TFAP2A: variants seen among roughly 807,000 people sequenced by gnomAD.
TFAP2A encodes the protein transcription factor AP-2-alpha.
Under a neutral mutation model 41.5 loss-of-function variants are expected in TFAP2A, and 7 were observed. The ratio of observed to expected loss-of-function variants is 0.17; its 90% CI spans 0.10 to 0.32. The LOEUF (loss-of-function observed/expected upper bound fraction) is 0.32. TFAP2A is among the 10% of genes least tolerant of loss of function. The probability of loss-of-function intolerance (pLI) is 1.00; values close to 1 mark genes in which losing one functional copy is unlikely to be tolerated. For missense variants in TFAP2A, 416 were observed against 563.3 expected, an observed-to-expected ratio of 0.74 and a Z score of 2.65; for synonymous variants, 247 against 242.8, an observed-to-expected ratio of 1.02 and a Z score of -0.16.
chr6:10,418,366 G>C (rs1758315567), upstream of TFAP2A: 2 of 152,250 alleles, frequency 1.3e-5, no homozygotes, highest in South Asian at 4.1e-4. Flanking sequence ...ACCAGGAGTA[G>C]CAAGGCCTCA....
chr6:10,412,239 G>A, intron 1 of TFAP2A: 1 of 988,054 alleles, frequency 1.0e-6, no homozygotes, highest in South Asian at 4.7e-5. Context: ...GGGGGGCCGC[G>A]GCGCGGCGTC....
chr6:10,411,927 C>T lies in TFAP2A; in HGVS notation c.52-1592G>A, dbSNP rs539202570. 174 of 1,189,396 alleles carry T rather than the reference C, an allele frequency of 1.5e-4. No homozygotes were observed. The African/African-American group carries it at 2.4e-3, about 16-fold the overall frequency. The allele number at this position is 1,189,396 out of a possible 1,614,324, so 73.7% of individuals were successfully genotyped here. ...GTATGTGTGAGTGTGTGGGTGCGTGCGTGTTCCTTAATCCGTGTCTCCCCC... is the reference window on the plus strand; with the variant it reads ...GTATGTGTGAGTGTGTGGGTGCGTGTGTGTTCCTTAATCCGTGTCTCCCCC... On this transcript the variant is annotated intron_variant, in intron 1 of 6. Coordinates refer to ENST00000379613, the MANE Select transcript of TFAP2A (RefSeq NM_001372066.1).
chr6:10,412,667 TG>T (rs1758044841), intron 1 of TFAP2A: 1 of 335,016 alleles, frequency 3.0e-6, no homozygotes, highest in East Asian at 1.6e-4. Flanking sequence ...CGGGCGCTCG[TG>T]GGGCTCTCGG....
intron 2 of TFAP2A, among the ~76,000 whole-genome samples, chr6:10,408,890 A>G (rs555279938): frequency 6.6e-6 from 1 of 152,376 alleles, no homozygotes; most frequent in Non-Finnish European, 1.5e-5. Context: ...TACTGCTGCA[A>G]TATTTGATGC....
intron 1 of TFAP2A, chr6:10,411,598 T>C: frequency 6.2e-7 from 1 of 1,613,966 alleles, no homozygotes; most frequent in South Asian, 1.1e-5. Context: ...AACTAACATC[T>C]GCGAAGAGTC....
At chr6:10,409,843 C>A (rs553866245) in intron 2 of TFAP2A, 58 bp downstream of exon 2, 2 of 1,533,874 alleles carry the variant, frequency 1.3e-6, no homozygotes, top group East Asian at 4.9e-5. Flanking sequence ...GGTATCCTTT[C>A]TGGGGTAGGT....
intron 2 of TFAP2A, chr6:10,407,106 CTT>C: frequency 1.9e-6 from 1 of 519,246 alleles, no homozygotes; most frequent in Non-Finnish European, 3.5e-6. Flanking sequence ...GGGAATAAAA[CTT>C]TCTTTGGAAA....
At chr6:10,409,044 C>T (rs1757836380) in intron 2 of TFAP2A, 1 of 152,146 alleles carries the variant, frequency 6.6e-6, no homozygotes, top group Admixed American at 6.5e-5. Context: ...GTGAGGAAAC[C>T]ATAAATATAT....
In TFAP2A at chr6:10,400,496, G is replaced by T; in HGVS notation, c.983C>A (p.Ser328Tyr). The change falls in exon 6 of 7, where the codon TCC becomes TAC. Residue 328 changes from serine to tyrosine, a missense_variant. Coordinates refer to ENST00000379613, the MANE Select transcript of TFAP2A (RefSeq NM_001372066.1). ...TCTTGTCACTTGCTCATTGGGATCG[G>T]AATGTTGTCGGTTGAGAAATTCAGC... ...AVAEFLNRQH[S>Y]DPNEQVTRKN... The T allele has an allele frequency of 6.2e-7, 1 of 1,614,192 alleles. No individual in the cohort carries two copies. Among genetic ancestry groups the T allele is most frequent in the Non-Finnish European group, 8.5e-7 (1 of 1,180,038 alleles).
upstream of TFAP2A, chr6:10,417,069 C>T: frequency 1.3e-5 from 2 of 152,894 alleles, no homozygotes; most frequent in Admixed American, 6.5e-5. Context: ...ATCTGGGCTG[C>T]CAGGAGCACC....
intron 6 of TFAP2A, 65 bp downstream of exon 6, chr6:10,400,383 A>C: frequency 6.2e-7 from 1 of 1,610,380 alleles, no homozygotes; most frequent in Non-Finnish European, 8.5e-7. Flanking sequence ...AAGAGCAAAA[A>C]CGATTTTTGT....
chr6:10,409,092 A>G (rs753876750), intron 2 of TFAP2A: 1 of 152,272 alleles, frequency 6.6e-6, no homozygotes, highest in Non-Finnish European at 1.5e-5. Flanking sequence ...GTTTAATTCC[A>G]GAAAGTATTT....
intron 1 of TFAP2A, 75 bp from the exon 2 acceptor site, chr6:10,410,410 T>G: frequency 6.9e-7 from 1 of 1,446,958 alleles, no homozygotes; most frequent in East Asian, 2.5e-5. Flanking sequence ...CAAAATCCAC[T>G]TGACAAGTCT....
chr6:10,414,551 TCTTTC>T, intron 1 of TFAP2A: 1 of 383,818 alleles, frequency 2.6e-6, no homozygotes, highest in East Asian at 5.8e-5. Context: ...AAGAGTTTTC[TCTTTC>T]CTTTCTGTTC....
intron 3 of TFAP2A, chr6:10,404,953 G>C (rs903191157): frequency 1.5e-5 from 9 of 598,460 alleles, no homozygotes; most frequent in Non-Finnish European, 2.7e-5. Context: ...AGGCGGCCCT[G>C]CCCTCCCCCA....
upstream of TFAP2A, among the ~76,000 whole-genome samples, chr6:10,419,111 G>A (rs900512075): frequency 2.0e-5 from 3 of 152,102 alleles, no homozygotes; most frequent in Admixed American, 6.5e-5. Flanking sequence ...TGGGAGGGGG[G>A]TGGGGGAAAC....
In TFAP2A at chr6:10,403,667, G is replaced by C. The variant is rs79657759; in HGVS notation, c.770+841C>G. Among the ~76,000 whole-genome samples the C allele has an allele frequency of 9.3e-4, 141 of 152,314 alleles. 3 individuals are homozygous for C. The East Asian group carries it at 0.025, about 27-fold the overall frequency. Reference sequence around the variant, plus strand: ...GCCCCACAACTCACAACGTGCAGTGGAATCCTAGGGGTAGGAAGCCCACAG... The same window carrying C: ...GCCCCACAACTCACAACGTGCAGTGCAATCCTAGGGGTAGGAAGCCCACAG... On this transcript the variant is annotated intron_variant, in intron 4 of 6. Coordinates refer to ENST00000379613, the MANE Select transcript of TFAP2A (RefSeq NM_001372066.1).
intron 1 of TFAP2A, chr6:10,412,622 G>T: frequency 3.8e-6 from 1 of 262,168 alleles, no homozygotes; most frequent in Non-Finnish European, 7.9e-6. Flanking sequence ...AGCGGGGGTC[G>T]TGCGTAGCGG....
chr6:10,412,901 G>A (rs984010550), intron 1 of TFAP2A: 1 of 153,392 alleles, frequency 6.5e-6, no homozygotes, highest in African/African-American at 2.4e-5. Context: ...CTCTGCCCTC[G>A]GCTCTCTGGG....
Sources: gnomAD v4.1 joint callset for allele counts (sites outside exome capture counted in the v4.1 genomes callset) on GRCh38, gnomAD v4.1.1 for gene constraint, MANE v1.5 for transcripts, NCBI Gene and HGNC (gene_info 2026-07-23, HGNC 2026-07-21) for gene names.